Variants in IRX6 observed in about 807,000 individuals in gnomAD.
The protein encoded by IRX6 is iroquois homeobox 6, also known as iroquois-class homeodomain protein IRX-6.
Under a neutral mutation model 47.7 loss-of-function variants are expected in IRX6, and 46 were observed. The ratio of observed to expected loss-of-function variants is 0.96; its 90% CI spans 0.76 to 1.23. The LOEUF is 1.23. Ranked by LOEUF, IRX6 falls within the 50% of genes most tolerant of loss-of-function variation. The pLI, the probability that IRX6 is intolerant of heterozygous loss-of-function variation, is 0.00. For missense variants in IRX6, 722 were observed against 588.0 expected (o/e 1.23, Z -2.36); for synonymous variants, 265 against 246.2 (o/e 1.08, Z -0.72).
At chr16:55,330,205 G>C (rs139328528) in intron 5 of IRX6, 93 bp from the exon 6 acceptor site, 21,138 of 1,159,824 alleles carry the variant, frequency 0.018, 247 homozygotes, top group Middle Eastern at 0.034. Context: ...TAGACCATTT[G>C]CTTGCCTTCA....
rs772719087 is a variant in IRX6, at chr16:55,330,355, C to A, written c.*50C>A. The A allele has an allele frequency of 6.3e-6, 10 of 1,593,622 alleles. No individual in the cohort carries two copies. The highest frequency in any genetic ancestry group is 8.6e-6 in the Non-Finnish European group (10 of 1,161,422). On this transcript the variant is annotated 3_prime_UTR_variant, in exon 6 of 6. Coordinates refer to ENST00000290552, the MANE Select transcript of IRX6 (RefSeq NM_024335.3). ...AATCTTGGAAATGGGCCCCACGTTT[C>A]GAATTCATCTCCAGGTTAAGAAGCT... is the stretch of plus-strand genomic sequence containing the variant.
intron 5 of IRX6, among the ~76,000 whole-genome samples, chr16:55,329,716 A>T (rs31090): frequency 6.6e-6 from 1 of 151,852 alleles, no homozygotes; most frequent in African/African-American, 2.4e-5. Context: ...CTGCTCAGAG[A>T]GTTTACTAGG....
At chr16:55,325,983 T>C in intron 1 of IRX6, 2 of 260,608 alleles carry the variant, frequency 7.7e-6, no homozygotes, top group Non-Finnish European at 1.5e-5. Context: ...ACCTTCTAGC[T>C]CCGCCTTTGC....
chr16:55,326,386 C>G lies in IRX6; in HGVS notation c.96C>G (p.Arg32=). Residue 32 remains arginine, a synonymous_variant, in exon 2 of 6, where the codon CGC becomes CGG. Transcript: ENST00000290552. The part of the protein sequence containing the change: ...SSTTCCESTQ[R]SVSDVASGST... ...CCACATGCTGCGAATCTACCCAACG[C>G]TCTGTCTCAGATGTGGCATCAGGCT... 1 of 1,614,080 alleles carries G rather than the reference C, an allele frequency of 6.2e-7. No individual in the cohort carries two copies. The highest frequency in any genetic ancestry group is 8.5e-7 in the Non-Finnish European group (1 of 1,180,018).
chr16:55,329,332 CTGGG>C (rs1960602197), intron 5 of IRX6, 21 bp downstream of exon 5: 1 of 1,576,910 alleles, frequency 6.3e-7, no homozygotes, highest in Non-Finnish European at 8.6e-7. Context: ...CCCAGCGGCG[CTGGG>C]AGTATCTATG....
At chr16:55,327,262 T>A in intron 2 of IRX6, 34 bp from the exon 3 acceptor site, 1 of 1,511,778 alleles carries the variant, frequency 6.6e-7, no homozygotes, top group Non-Finnish European at 9.2e-7. Context: ...CCTCCCCAAC[T>A]GTACTCCTGA....
chr16:55,326,489 G>A lies in IRX6; in HGVS notation c.199G>A (p.Ala67Thr), dbSNP rs755637819. ...CAGTGCGCGACCGGAGCTGGGCGCC[G>A]CCTTGGGCATCTATGGAGCACCCTA... is the stretch of plus-strand genomic sequence containing the variant. Reference protein sequence around the residue: ...LGSARPELGAALGIYGAPYAA... With the variant: ...LGSARPELGATLGIYGAPYAA... The change falls in exon 2 of 6, where the codon GCC becomes ACC. Residue 67 changes from alanine to threonine, a missense_variant. Transcript: ENST00000290552. 9.3e-6 allele frequency: 15 copies of A among 1,612,458 alleles called. No individual in the cohort carries two copies. Among genetic ancestry groups the A allele is most frequent in the Admixed American group, 8.4e-5 (5 of 59,860 alleles).
At chr16:55,325,274 GCCTC>G in intron 1 of IRX6, 138 bp downstream of exon 1, 2 of 758,900 alleles carry the variant, frequency 2.6e-6, no homozygotes, top group Non-Finnish European at 4.4e-6. Flanking sequence ...ATGTGTCACA[GCCTC>G]CTCTGACATC....
Position 55,329,081 on chromosome 16 carries a change from C to T in IRX6, c.1103C>T (p.Pro368Leu), listed in dbSNP as rs1188468971. 3.1e-6 allele frequency: 5 copies of T among 1,614,006 alleles called. No individual in the cohort carries two copies. Among genetic ancestry groups the T allele is most frequent in the Non-Finnish European group, 4.2e-6 (5 of 1,180,054 alleles). The change falls in exon 5 of 6, where the codon CCA becomes CTA. Residue 368 changes from proline to leucine, a missense_variant. Transcript: ENST00000290552. ...ATASAVEGAP[P>L]ARPRPRSPEC... ...GCCAGCGCTGTTGAAGGTGCACCCCCAGCCCGGCCTAGGCCACGAAGTCCT... is the reference window on the plus strand; with the variant it reads ...GCCAGCGCTGTTGAAGGTGCACCCCTAGCCCGGCCTAGGCCACGAAGTCCT...
chr16:55,327,625 G>A lies in IRX6; in HGVS notation c.453G>A (p.Lys151=), dbSNP rs751900651. The A allele has an allele frequency of 6.2e-6, 10 of 1,610,108 alleles. No individual in the cohort carries two copies. In the African/African-American group the frequency reaches 1.2e-4, roughly 19 times the overall value. The stretch of plus-strand genomic sequence containing the variant: ...AATTGAGTGGCGCCGGTCGCCGAAA[G>A]AACGCGACCCGGGAGACCACCAGTA... ...AVELSGAGRR[K]NATRETTSTL... The change falls in exon 4 of 6, where the codon AAG becomes AAA. Residue 151 remains lysine (K), a synonymous_variant. Coordinates refer to ENST00000290552, the MANE Select transcript of IRX6 (RefSeq NM_024335.3).
intron 1 of IRX6, 58 bp downstream of exon 1, chr16:55,325,194 C>A: frequency 6.5e-7 from 1 of 1,538,846 alleles, no homozygotes; most frequent in Non-Finnish European, 9.0e-7. Flanking sequence ...GTGCCTAGTG[C>A]ACGGCGCCTG....
In IRX6 at chr16:55,325,521, AGGAAGGAAGG is replaced by A. The variant is rs1241494847; in HGVS notation, c.45+386_45+395del. On this transcript the variant is annotated intron_variant, in intron 1 of 5. Transcript: ENST00000290552. Reference sequence around the variant, plus strand: ...AAGGAAGGAAGGAAGGAAGGAAGGAAGGAAGGAAGGAGAGAGAGAGAGAGAGAGAGAGAGA... The same window carrying A: ...AAGGAAGGAAGGAAGGAAGGAAGGAAAGAGAGAGAGAGAGAGAGAGAGAGA... 3.7e-4 allele frequency among the ~76,000 whole-genome samples: 12 copies of A among 32,536 alleles called. 3 individuals are homozygous for A. Among genetic ancestry groups the A allele is most frequent in the African/African-American group, 2.0e-3 (11 of 5,418 alleles). The allele number at this position is 32,536 out of a possible 152,430, so 21.3% of individuals were successfully genotyped here.
At position 55,324,496 on chromosome 16, in the gene IRX6, G is replaced by A. The variant is rs974342219; in HGVS notation, c.-596G>A. ...CTCCCGGGTAATTTGGAGAGGTTGT[G>A]TGTGTGTGCGCGCGCGCGTGAGCTC... On this transcript the variant is annotated 5_prime_UTR_variant, in exon 1 of 6. The change creates a new upstream start codon in the 5' untranslated region. Coordinates refer to ENST00000290552, the MANE Select transcript of IRX6 (RefSeq NM_024335.3). The surrounding 1 kb of genome is among the most constrained non-coding windows in gnomAD (Gnocchi z 4.4). 1.3e-5 allele frequency: 2 copies of A among 152,558 alleles called. No individual in the cohort carries two copies. The highest frequency in any genetic ancestry group is 4.8e-5 in the African/African-American group (2 of 41,384). The allele number at this position is 152,558 out of a possible 1,614,324, so 9.5% of individuals were successfully genotyped here.
intron 5 of IRX6, 80 bp from the exon 6 acceptor site, chr16:55,330,218 A>C: frequency 7.5e-7 from 1 of 1,325,684 alleles, no homozygotes; most frequent in Non-Finnish European, 1.1e-6. Context: ...TGCCTTCAGA[A>C]GAGACATGGC....
In IRX6 at chr16:55,329,203, G is replaced by A. The variant is rs374223541; in HGVS notation, c.1225G>A (p.Ala409Thr). 3 of 1,613,980 alleles carry A rather than the reference G, an allele frequency of 1.9e-6. No individual in the cohort carries two copies. In the African/African-American group the frequency reaches 4.0e-5, roughly 22 times the overall value. Residue 409 changes from alanine to threonine, a missense_variant, in exon 5 of 6, where the codon GCC becomes ACC. By Grantham distance (58) the Ala-to-Thr change is moderately conservative (BLOSUM62 0). Transcript: ENST00000290552. Reference protein sequence around the residue: ...ACDESSCIPKAFGNPKFALQG... With the variant: ...ACDESSCIPKTFGNPKFALQG... ...CGACGAGTCTTCCTGCATACCCAAAGCCTTTGGAAACCCCAAGTTTGCCCT... is the reference window on the plus strand; with the variant it reads ...CGACGAGTCTTCCTGCATACCCAAAACCTTTGGAAACCCCAAGTTTGCCCT...
Position 55,328,961 on chromosome 16 carries a change from A to C in IRX6, c.983A>C (p.Asp328Ala), listed in dbSNP as rs564611749. Reference protein sequence around the residue: ...FNDPSGSEEADFLSAETGSPR... With the variant: ...FNDPSGSEEAAFLSAETGSPR... The stretch of plus-strand genomic sequence containing the variant: ...GACCCTTCCGGATCGGAAGAAGCTG[A>C]CTTCCTCTCGGCGGAGACAGGCAGC... Residue 328 changes from aspartate to alanine, a missense_variant, in exon 5 of 6, where the codon GAC (aspartate) becomes GCC (alanine). Physicochemically the swap from Asp to Ala is moderately radical, Grantham distance 126. Coordinates refer to ENST00000290552, the MANE Select transcript of IRX6 (RefSeq NM_024335.3). 1 of 1,613,426 alleles carries C rather than the reference A, an allele frequency of 6.2e-7. No homozygotes were observed. The highest frequency in any genetic ancestry group is 1.7e-5 in the Admixed American group (1 of 60,020).
intron 2 of IRX6, chr16:55,327,035 T>C: frequency 2.3e-6 from 1 of 439,416 alleles, no homozygotes; most frequent in Non-Finnish European, 4.1e-6. Flanking sequence ...AATATTTAAC[T>C]ACTGCTTATT....
rs1268839699 is a variant in IRX6 at position 55,325,088 on chromosome 16, C to T, written c.-4C>T. The T allele has an allele frequency of 2.5e-6, 4 of 1,614,010 alleles. No homozygotes were observed. The Admixed American group carries it at 5.0e-5, about 20-fold the overall frequency. On this transcript the variant is annotated 5_prime_UTR_variant, in exon 1 of 6. Coordinates refer to ENST00000290552, the MANE Select transcript of IRX6 (RefSeq NM_024335.3). Reference sequence around the variant, plus strand: ...AAGAGAGAGACGGGCCAGGGACAGCCACCATGTCCTTCCCACACTTTGGAC... The same window carrying T: ...AAGAGAGAGACGGGCCAGGGACAGCTACCATGTCCTTCCCACACTTTGGAC...
intron 1 of IRX6, 72 bp downstream of exon 1, chr16:55,325,208 C>A: frequency 6.8e-7 from 1 of 1,465,664 alleles, no homozygotes; most frequent in East Asian, 2.3e-5. Flanking sequence ...GCGCCTGCCT[C>A]TGATCATCCT....
Sources: allele counts gnomAD v4.1 joint callset (sites outside exome capture counted in the v4.1 genomes callset), GRCh38; gene constraint gnomAD v4.1.1; non-coding constraint Gnocchi (gnomAD v3.1); transcripts MANE v1.5; gene names NCBI Gene and HGNC (gene_info 2026-07-23, HGNC 2026-07-21).